FAM117B: variants seen among roughly 807,000 people sequenced by gnomAD.
FAM117B encodes protein FAM117B.
In FAM117B, 22 loss-of-function variants were observed where a neutral mutation model predicts 52.8. That is an observed-to-expected ratio of 0.42 (90% CI 0.30 to 0.59). FAM117B has a LOEUF of 0.59. Ranked by LOEUF, FAM117B falls within the 20% of genes least tolerant of loss-of-function variation. FAM117B has a pLI of 0.22. For synonymous variants in FAM117B, 309 were observed against 324.1 expected (o/e 0.95, Z 0.50); for missense variants, 678 against 802.6 (o/e 0.84, Z 1.88).
chr2:202,716,537 G>A (rs1210476967), intron 2 of FAM117B, among the ~76,000 whole-genome samples: 1 of 151,670 alleles, frequency 6.6e-6, no homozygotes, highest in Admixed American at 6.6e-5. Context: ...TATTTTTAGT[G>A]TATCTGTTGT....
At chr2:202,745,770 A>G (rs1691622485) in intron 4 of FAM117B, among the ~76,000 whole-genome samples, 1 of 152,218 alleles carries the variant, frequency 6.6e-6, no homozygotes, top group African/African-American at 2.4e-5. Flanking sequence ...TTCCACGCAA[A>G]TGGAAACCAA....
At chr2:202,696,327 G>A (rs1160253268) in intron 2 of FAM117B, among the ~76,000 whole-genome samples, 2 of 152,072 alleles carry the variant, frequency 1.3e-5, no homozygotes, top group East Asian at 1.9e-4. Context: ...TACAACAGGG[G>A]TGTCCAATCT....
intron 4 of FAM117B, among the ~76,000 whole-genome samples, chr2:202,733,285 T>A (rs1197594343): frequency 6.6e-6 from 1 of 152,168 alleles, no homozygotes; most frequent in African/African-American, 2.4e-5. Context: ...AACTTAGAAT[T>A]ACTGATGAGC....
chr2:202,727,424 TC>T (rs1322429169), intron 4 of FAM117B, among the ~76,000 whole-genome samples: 1 of 152,192 alleles, frequency 6.6e-6, no homozygotes, highest in African/African-American at 2.4e-5. Context: ...CATTTGACTC[TC>T]TATATCTTCA....
chr2:202,683,377 A>G (rs1690492727), intron 1 of FAM117B, among the ~76,000 whole-genome samples: 2 of 152,178 alleles, frequency 1.3e-5, no homozygotes. Context: ...AGTAGAGGAA[A>G]TTAGTTAAAT....
intron 1 of FAM117B, among the ~76,000 whole-genome samples, chr2:202,675,551 G>A (rs1033491646): frequency 4.0e-5 from 6 of 150,584 alleles, no homozygotes; most frequent in Admixed American, 1.3e-4. Context: ...CATTTGTGGT[G>A]TTTAGCACCT....
rs1559111599 is a variant in FAM117B at position 202,731,335 on chromosome 2, AT to A, written c.960+4973del. Reference sequence around the variant, plus strand: ...GGGGAGGATGTGGAGAAATTGGAATATATATATATATATATATATATATATA... The same window carrying A: ...GGGGAGGATGTGGAGAAATTGGAATAATATATATATATATATATATATATA... On this transcript the variant is annotated intron_variant, in intron 4 of 7. Transcript: ENST00000392238. 3.9e-4 allele frequency among the ~76,000 whole-genome samples: 38 copies of A among 98,584 alleles called. 2 individuals are homozygous for A. The highest frequency in any genetic ancestry group is 5.6e-4 in the Non-Finnish European group (30 of 53,500). The allele number at this position is 98,584 out of a possible 152,430, so 64.7% of individuals were successfully genotyped here.
At chr2:202,761,326 G>T (rs1230212599) in intron 7 of FAM117B, among the ~76,000 whole-genome samples, 2 of 152,110 alleles carry the variant, frequency 1.3e-5, no homozygotes, top group Non-Finnish European at 2.9e-5. Context: ...TTGTTGGGTG[G>T]TGTCCTGTGG....
chr2:202,740,173 CCAAAAAAAAAAAAAAAAA>C (rs1281941909), intron 4 of FAM117B, among the ~76,000 whole-genome samples: 1 of 69,672 alleles, frequency 1.4e-5, no homozygotes, highest in East Asian at 4.1e-4. Flanking sequence ...ACTTCATCCC[CCAAAAAAAAAAAAAAAAA>C]AAAAAAAAAA....
intron 4 of FAM117B, among the ~76,000 whole-genome samples, chr2:202,749,434 T>G (rs1350672630): frequency 8.6e-6 from 1 of 115,800 alleles, no homozygotes. Flanking sequence ...ACAGGTCTGG[T>G]ATAATGTTAA....
At chr2:202,723,191 G>T (rs1000201880) in intron 2 of FAM117B, among the ~76,000 whole-genome samples, 2 of 152,162 alleles carry the variant, frequency 1.3e-5, no homozygotes, top group African/African-American at 4.8e-5. Flanking sequence ...ATAAGGAGAA[G>T]ATCCAGACCT....
At chr2:202,757,164 A>C in intron 5 of FAM117B, 49 bp from the exon 6 acceptor site, 3 of 1,541,776 alleles carry the variant, frequency 1.9e-6, no homozygotes, top group Non-Finnish European at 2.6e-6. Flanking sequence ...ATTGCTGGTG[A>C]TTCGAAATTA....
At position 202,695,873 on chromosome 2, in the gene FAM117B, A is replaced by C; in HGVS notation, c.602-8A>C. On this transcript the variant is annotated splice_polypyrimidine_tract_variant and splice_region_variant and intron_variant, in intron 1 of 7. Coordinates refer to ENST00000392238, the MANE Select transcript of FAM117B (RefSeq NM_173511.4). The stretch of plus-strand genomic sequence containing the variant: ...TTATTAAAACAAGCATTTTTGTCTT[A>C]AATCTAGGTGACAAAACACGACAGC... 1 of 1,569,820 alleles carries C rather than the reference A, an allele frequency of 6.4e-7. No individual in the cohort carries two copies. Among genetic ancestry groups the C allele is most frequent in the Non-Finnish European group, 8.6e-7 (1 of 1,157,678 alleles).
At chr2:202,655,761 A>AGTGTGTGTGT (rs1182174843) in intron 1 of FAM117B, among the ~76,000 whole-genome samples, 1 of 100,374 alleles carries the variant, frequency 1.0e-5, no homozygotes, top group African/African-American at 3.4e-5. Context: ...AGAGAGAGAG[A>AGTGTGTGTGT]GTGTGTGTGT....
In FAM117B at chr2:202,635,110, G is replaced by C; in HGVS notation, c.-78G>C. Reference sequence around the variant, plus strand: ...CCCGTCTTGGGGGGCCTGCCCTCCGGCCTCGAGAATCCTCCCCCTGCAGCC... The same window carrying C: ...CCCGTCTTGGGGGGCCTGCCCTCCGCCCTCGAGAATCCTCCCCCTGCAGCC... On this transcript the variant is annotated 5_prime_UTR_variant, in exon 1 of 8. Transcript: ENST00000392238. 5.6e-6 allele frequency: 7 copies of C among 1,251,218 alleles called. No individual in the cohort carries two copies. Among genetic ancestry groups the C allele is most frequent in the Non-Finnish European group, 7.0e-6 (7 of 997,112 alleles). The allele number at this position is 1,251,218 out of a possible 1,614,324, so 77.5% of individuals were successfully genotyped here. A position where few individuals can be genotyped will look rare whatever the true frequency, so the allele number is the denominator to read the frequency against.
intron 1 of FAM117B, among the ~76,000 whole-genome samples, chr2:202,682,788 T>C (rs1690482464): frequency 2.6e-5 from 4 of 152,250 alleles, no homozygotes; most frequent in African/African-American, 9.6e-5. Flanking sequence ...AATTAAACTT[T>C]TCTAAATAAT....
chr2:202,761,849 T>C (rs1279276705), intron 7 of FAM117B, among the ~76,000 whole-genome samples: 1 of 152,104 alleles, frequency 6.6e-6, no homozygotes, highest in Non-Finnish European at 1.5e-5. Flanking sequence ...TTATGGCACA[T>C]TGATCTGTTA....
At chr2:202,758,222 C>T (rs1010503751) in intron 6 of FAM117B, among the ~76,000 whole-genome samples, 8 of 152,158 alleles carry the variant, frequency 5.3e-5, no homozygotes, top group Non-Finnish European at 1.0e-4. Context: ...TACTACTCAT[C>T]ACCTAAGACA....
chr2:202,652,301 A>G (rs890814888), intron 1 of FAM117B, among the ~76,000 whole-genome samples: 1 of 151,860 alleles, frequency 6.6e-6, no homozygotes, highest in African/African-American at 2.4e-5. Flanking sequence ...GGGTCTCACT[A>G]TGTTGCCCAG....
Sources: allele counts gnomAD v4.1 joint callset (sites outside exome capture counted in the v4.1 genomes callset), GRCh38; gene constraint gnomAD v4.1.1; transcripts MANE v1.5; gene names NCBI Gene and HGNC (gene_info 2026-07-23, HGNC 2026-07-21).